Variants in ADGRB3 observed in about 807,000 individuals in gnomAD.
The protein encoded by ADGRB3 is adhesion G protein-coupled receptor B3.
In ADGRB3, 37 loss-of-function variants were observed where a neutral mutation model predicts 193.4. The ratio of observed to expected loss-of-function variants is 0.19; its 90% CI spans 0.15 to 0.25. The LOEUF (loss-of-function observed/expected upper bound fraction) is 0.25, where lower values mean the gene tolerates loss of function less well. Among genes scored for constraint, ADGRB3 ranks in the 10% least tolerant of loss-of-function variants. The pLI, the probability that ADGRB3 is intolerant of heterozygous loss-of-function variation, is 1.00. For synonymous variants in ADGRB3, 690 were observed against 644.2 expected, an observed-to-expected ratio of 1.07 and a Z score of -1.08; for missense variants, 1,637 against 1,852.9, an observed-to-expected ratio of 0.88 and a Z score of 2.14.
At chr6:68,915,839 G>T (rs1171173885) in intron 3 of ADGRB3, among the ~76,000 whole-genome samples, 1 of 152,210 alleles carries the variant, frequency 6.6e-6, no homozygotes, top group South Asian at 2.1e-4. Flanking sequence ...GTGAATTTAT[G>T]CTGTCATGAT....
chr6:69,196,983 G>A (rs1765311744), intron 17 of ADGRB3, among the ~76,000 whole-genome samples: 3 of 152,012 alleles, frequency 2.0e-5, no homozygotes, highest in Admixed American at 1.3e-4. Context: ...CTTCAAAATG[G>A]AGATAATACC....
At chr6:68,970,114 A>G (rs865838032) in intron 8 of ADGRB3, among the ~76,000 whole-genome samples, 1 of 152,022 alleles carries the variant, frequency 6.6e-6, no homozygotes, top group African/African-American at 2.4e-5. Flanking sequence ...TTTTAATTAT[A>G]TGTCACTTTC....
chr6:69,272,540 G>C (rs1274910440), intron 20 of ADGRB3, among the ~76,000 whole-genome samples: 2 of 152,174 alleles, frequency 1.3e-5, no homozygotes, highest in Non-Finnish European at 2.9e-5. Flanking sequence ...AACACAAAAT[G>C]TATAGGGAAA....
intron 17 of ADGRB3, among the ~76,000 whole-genome samples, chr6:69,121,901 C>A (rs546017264): frequency 2.7e-5 from 4 of 150,528 alleles, no homozygotes; most frequent in African/African-American, 9.8e-5. Context: ...CCAGACAGGG[C>A]GGCCAGGTGG....
At chr6:68,952,238 A>AT (rs948148776) in intron 6 of ADGRB3, among the ~76,000 whole-genome samples, 9 of 151,824 alleles carry the variant, frequency 5.9e-5, no homozygotes, top group South Asian at 4.1e-4. Flanking sequence ...TCCATTAATA[A>AT]TTTTTTTTAA....
intron 20 of ADGRB3, among the ~76,000 whole-genome samples, chr6:69,297,372 C>T (rs12200775): frequency 0.033 from 2,784 of 84,902 alleles, 22 homozygotes; most frequent in Non-Finnish European, 0.048. Context: ...CTCTCTTTCT[C>T]TCTCTCTCTC....
At chr6:68,792,020 A>G (rs946456606) in intron 3 of ADGRB3, among the ~76,000 whole-genome samples, 1 of 152,152 alleles carries the variant, frequency 6.6e-6, no homozygotes, top group Non-Finnish European at 1.5e-5. Context: ...CAGAGAAAAA[A>G]TCTTTGTTAA....
intron 3 of ADGRB3, among the ~76,000 whole-genome samples, chr6:68,758,794 C>T (rs145144584): frequency 6.6e-6 from 1 of 152,122 alleles, no homozygotes; most frequent in Non-Finnish European, 1.5e-5. Context: ...TGTTGTTCAG[C>T]TTTGTAGTAT....
At chr6:68,823,792 C>A (rs56112539) in intron 3 of ADGRB3, among the ~76,000 whole-genome samples, 4,260 of 152,172 alleles carry the variant, frequency 0.028, 206 homozygotes, top group African/African-American at 0.095. Context: ...ATCATTGCTT[C>A]TTGCATAAAA....
At chr6:69,372,587 T>G in intron 30 of ADGRB3, 146 bp downstream of exon 30, 2 of 382,440 alleles carry the variant, frequency 5.2e-6, no homozygotes, top group African/African-American at 4.2e-5. Flanking sequence ...TAATTAAAGT[T>G]TATCCTGTAT....
At chr6:69,179,460 T>C (rs1316271050) in intron 17 of ADGRB3, among the ~76,000 whole-genome samples, 1 of 152,214 alleles carries the variant, frequency 6.6e-6, no homozygotes. Flanking sequence ...AATCCTTGCT[T>C]TGAAATTTTA....
intron 17 of ADGRB3, among the ~76,000 whole-genome samples, chr6:69,209,579 C>A (rs1467194428): frequency 3.3e-5 from 5 of 152,196 alleles, no homozygotes; most frequent in African/African-American, 9.6e-5. Context: ...AAGCAAAAAG[C>A]AATTGCAGTC....
intron 13 of ADGRB3, among the ~76,000 whole-genome samples, chr6:69,043,942 G>A (rs1562135070): frequency 6.6e-6 from 1 of 152,200 alleles, no homozygotes. Context: ...TCCGGAGACT[G>A]GGGGAGGAGA....
In ADGRB3 at chr6:69,020,403, C is replaced by A. The variant is rs1278563245; in HGVS notation, c.2107+1904C>A. On this transcript the variant is annotated intron_variant, in intron 13 of 31. Transcript: ENST00000370598. Reference sequence around the variant, plus strand: ...TTGCTGTAAAAATTTCATAAATGTCCATAAATTACAATCATTTATTCATCT... The same window carrying A: ...TTGCTGTAAAAATTTCATAAATGTCAATAAATTACAATCATTTATTCATCT... Among the ~76,000 whole-genome samples, 3 of 152,146 alleles carry A rather than the reference C, an allele frequency of 2.0e-5. No homozygotes were observed. In the East Asian group the frequency reaches 5.8e-4, roughly 29 times the overall value.
At chr6:69,095,580 G>A (rs969453335) in intron 17 of ADGRB3, among the ~76,000 whole-genome samples, 11 of 152,218 alleles carry the variant, frequency 7.2e-5, no homozygotes, top group African/African-American at 2.4e-4. Flanking sequence ...GTTTAGCAAT[G>A]TAAGATTTTT....
At position 68,750,920 on chromosome 6, in the gene ADGRB3, A is replaced by G. The variant is rs188673369; in HGVS notation, c.757+111488A>G. Among the ~76,000 whole-genome samples, 36 of 152,292 alleles carry G rather than the reference A, an allele frequency of 2.4e-4. No individual in the cohort carries two copies. In the East Asian group the frequency reaches 6.6e-3, roughly 28 times the overall value. On this transcript the variant is annotated intron_variant, in intron 3 of 31. Transcript: ENST00000370598. ...CTTTTAGGTTTATTTGTTCCTATGT[A>G]TATCTGGGAGTCCCAAGGAGATCTT...
chr6:68,906,951 T>A (rs1766564995), intron 3 of ADGRB3, among the ~76,000 whole-genome samples: 1 of 152,006 alleles, frequency 6.6e-6, no homozygotes, highest in Non-Finnish European at 1.5e-5. Context: ...TTGCCTTCAC[T>A]ATTTTCCTTT....
intron 17 of ADGRB3, among the ~76,000 whole-genome samples, chr6:69,152,092 A>G (rs1382291809): frequency 6.6e-6 from 1 of 152,222 alleles, no homozygotes; most frequent in African/African-American, 2.4e-5. Flanking sequence ...TCTTTCCTTT[A>G]TAAATTACCC....
intron 3 of ADGRB3, among the ~76,000 whole-genome samples, chr6:68,666,835 C>T (rs1768813639): frequency 1.3e-5 from 2 of 151,618 alleles, no homozygotes; most frequent in East Asian, 1.9e-4. Context: ...ATAAGAAATA[C>T]ATGGAATTTT....
Sources: gnomAD v4.1 joint callset for allele counts (sites outside exome capture counted in the v4.1 genomes callset) on GRCh38, gnomAD v4.1.1 for gene constraint, MANE v1.5 for transcripts, NCBI Gene and HGNC (gene_info 2026-07-23, HGNC 2026-07-21) for gene names.